KCNH1: variants seen among roughly 807,000 people sequenced by gnomAD.
KCNH1 encodes the protein potassium voltage-gated channel subfamily H member 1.
Under a neutral mutation model 69.2 loss-of-function variants are expected in KCNH1, and 27 were observed. The ratio of observed to expected loss-of-function variants is 0.39; its 90% CI spans 0.29 to 0.54. The LOEUF (loss-of-function observed/expected upper bound fraction) is 0.54. Ranked by LOEUF, KCNH1 falls within the 20% of genes least tolerant of loss-of-function variation. KCNH1 has a pLI of 0.68. For synonymous variants in KCNH1, 456 were observed against 487.7 expected (o/e 0.93, Z 0.86); for missense variants, 798 against 1,261.6 (o/e 0.63, Z 5.57).
intron 6 of KCNH1, among the ~76,000 whole-genome samples, chr1:210,985,249 A>AT (rs772709563): frequency 2.0e-5 from 3 of 152,016 alleles, no homozygotes; most frequent in East Asian, 1.9e-4. Flanking sequence ...GGATTCACTG[A>AT]TTTTTTGAAG....
At chr1:210,779,670 A>C (rs1315396907) in intron 9 of KCNH1, among the ~76,000 whole-genome samples, 4 of 152,250 alleles carry the variant, frequency 2.6e-5, no homozygotes, top group Non-Finnish European at 5.9e-5. Context: ...CAGAATGTTA[A>C]AACTTAATGT....
intron 6 of KCNH1, among the ~76,000 whole-genome samples, chr1:210,992,157 T>C (rs1320801422): frequency 6.6e-6 from 1 of 152,182 alleles, no homozygotes; most frequent in Non-Finnish European, 1.5e-5. Flanking sequence ...TACAACACCT[T>C]GCAAGTAGAC....
chr1:211,134,037 C>T lies in KCNH1; in HGVS notation c.-92G>A. 9.0e-7 allele frequency: 1 copy of T among 1,114,038 alleles called. No homozygotes were observed. Among genetic ancestry groups the T allele is most frequent in the Non-Finnish European group, 1.3e-6 (1 of 754,272 alleles). 69.0% of individuals were successfully genotyped at this position (1,114,038 alleles called of 1,614,324 possible). A position where few individuals can be genotyped will look rare whatever the true frequency, so the allele number is the denominator to read the frequency against. Reference sequence around the variant, plus strand: ...TCGGGGCCCGCACGCAGTCCCGGCTCGAAGCGCCCCATGCGCCCGGCGGGG... The same window carrying T: ...TCGGGGCCCGCACGCAGTCCCGGCTTGAAGCGCCCCATGCGCCCGGCGGGG... On this transcript the variant is annotated 5_prime_UTR_variant, in exon 1 of 11. Transcript: ENST00000271751. The surrounding 1 kb of genome is among the most constrained non-coding windows in gnomAD (Gnocchi z 5.7).
chr1:210,831,103 G>A (rs1159800413), intron 7 of KCNH1, among the ~76,000 whole-genome samples: 1 of 152,178 alleles, frequency 6.6e-6, no homozygotes, highest in East Asian at 1.9e-4. Flanking sequence ...GCGTGATTTT[G>A]TCATAAAGAC....
rs976861712 is a variant in KCNH1 at position 210,851,047 on chromosome 1, G to C, written c.1463-46881C>G. Reference sequence around the variant, plus strand: ...GAGCTGTTCAATATTTGTCTTCATGGCCCACGTATCCTCAGAAGACAAAGC... The same window carrying C: ...GAGCTGTTCAATATTTGTCTTCATGCCCCACGTATCCTCAGAAGACAAAGC... On this transcript the variant is annotated intron_variant, in intron 7 of 10. Coordinates refer to ENST00000271751, the MANE Select transcript of KCNH1 (RefSeq NM_172362.3). Among the ~76,000 whole-genome samples the C allele has an allele frequency of 3.3e-5, 5 of 152,176 alleles. No homozygotes were observed. The South Asian group carries it at 1.0e-3, about 32-fold the overall frequency.
At chr1:210,748,977 C>T (rs1227027086) in intron 10 of KCNH1, among the ~76,000 whole-genome samples, 8 of 152,200 alleles carry the variant, frequency 5.3e-5, no homozygotes, top group African/African-American at 1.4e-4. Flanking sequence ...ACTCTCCTTG[C>T]CCTGTCCACT....
chr1:211,071,744 C>A (rs1426759884), intron 5 of KCNH1, among the ~76,000 whole-genome samples: 1 of 152,240 alleles, frequency 6.6e-6, no homozygotes, highest in Middle Eastern at 3.4e-3. Flanking sequence ...AGTTGGTCTG[C>A]ATGTTTTTCA....
At chr1:211,078,640 G>A (rs1558595353) in intron 5 of KCNH1, among the ~76,000 whole-genome samples, 1 of 152,112 alleles carries the variant, frequency 6.6e-6, no homozygotes, top group Non-Finnish European at 1.5e-5. Context: ...GAAATTTATA[G>A]CACTAAATGC....
At chr1:211,083,184 G>A (rs756085215) in intron 4 of KCNH1, among the ~76,000 whole-genome samples, 1 of 152,256 alleles carries the variant, frequency 6.6e-6, no homozygotes, top group East Asian at 1.9e-4. Flanking sequence ...GACACAGAGT[G>A]CCTGGACAAT....
At chr1:211,006,520 A>G (rs1689288217) in intron 6 of KCNH1, among the ~76,000 whole-genome samples, 1 of 152,238 alleles carries the variant, frequency 6.6e-6, no homozygotes, top group Non-Finnish European at 1.5e-5. Context: ...AGCGTTAGAA[A>G]TCAAGTTGCT....
chr1:210,697,084 A>G (rs1205090644), intron 10 of KCNH1, among the ~76,000 whole-genome samples: 1 of 152,238 alleles, frequency 6.6e-6, no homozygotes, highest in Non-Finnish European at 1.5e-5. Context: ...TGGTTTACTC[A>G]GTCAGTCAGT....
intron 5 of KCNH1, among the ~76,000 whole-genome samples, chr1:211,072,832 G>T (rs1167475456): frequency 4.6e-5 from 7 of 152,092 alleles, no homozygotes. Context: ...AAGAAAAAGG[G>T]CAATGAATAG....
intron 7 of KCNH1, chr1:210,861,860 C>G: frequency 1.3e-6 from 1 of 760,874 alleles, no homozygotes; most frequent in South Asian, 1.4e-5. Flanking sequence ...ATCCAACAAG[C>G]ACTGTTATCA....
intron 10 of KCNH1, among the ~76,000 whole-genome samples, chr1:210,751,646 G>C (rs1683286680): frequency 6.6e-6 from 1 of 152,104 alleles, no homozygotes; most frequent in Admixed American, 6.5e-5. Context: ...GCTGCTGAGA[G>C]GTAGGAGAAG....
chr1:211,042,876 G>A (rs778203549), intron 5 of KCNH1, among the ~76,000 whole-genome samples: 3 of 152,080 alleles, frequency 2.0e-5, no homozygotes, highest in Non-Finnish European at 2.9e-5. Flanking sequence ...TAATCATTGC[G>A]TCAAAAATTA....
At chr1:210,763,712 A>G (rs1683566094) in intron 10 of KCNH1, among the ~76,000 whole-genome samples, 1 of 152,176 alleles carries the variant, frequency 6.6e-6, no homozygotes, top group South Asian at 2.1e-4. Context: ...TAAATAAATC[A>G]TAGACAACAC....
chr1:211,056,950 C>A (rs539532974), intron 5 of KCNH1, among the ~76,000 whole-genome samples: 46 of 152,282 alleles, frequency 3.0e-4, no homozygotes, highest in South Asian at 1.7e-3. Context: ...CAATACCAAA[C>A]TCTTCAATCC....
At position 211,024,277 on chromosome 1, in the gene KCNH1, G is replaced by C. The variant is rs143526255; in HGVS notation, c.559-5021C>G. ...ACTGTGATTTGATAAAATATGACTT[G>C]AGTAAGAGAGGGAAAGTGTTTGAAT... is the stretch of plus-strand genomic sequence containing the variant. On this transcript the variant is annotated intron_variant, in intron 5 of 10. Transcript: ENST00000271751. 1.1e-3 allele frequency among the ~76,000 whole-genome samples: 174 copies of C among 152,264 alleles called. 1 individual carries two copies. The highest frequency in any genetic ancestry group is 4.0e-3 in the African/African-American group (168 of 41,552).
rs1463012719 is a variant in KCNH1, at chr1:210,806,806, CCAAAA to C, written c.1463-2645_1463-2641del. On this transcript the variant is annotated intron_variant, in intron 7 of 10. Coordinates refer to ENST00000271751, the MANE Select transcript of KCNH1 (RefSeq NM_172362.3). ...CCAATATGGTGAAACCCCATCTCTACCAAAAAAAAAAAAAAAAAAAAAAAAAAAAA... is the reference window on the plus strand; with the variant it reads ...CCAATATGGTGAAACCCCATCTCTACAAAAAAAAAAAAAAAAAAAAAAAAA... Among the ~76,000 whole-genome samples the C allele has an allele frequency of 2.8e-3, 238 of 86,212 alleles. 6 individuals are homozygous for C. The highest frequency in any genetic ancestry group is 2.6e-3 in the African/African-American group (51 of 19,744). The allele number at this position is 86,212 out of a possible 152,430, so 56.6% of individuals were successfully genotyped here. A position where few individuals can be genotyped will look rare whatever the true frequency, so the allele number is the denominator to read the frequency against.
Sources: allele counts gnomAD v4.1 joint callset (sites outside exome capture counted in the v4.1 genomes callset), GRCh38; gene constraint gnomAD v4.1.1; non-coding constraint Gnocchi (gnomAD v3.1); transcripts MANE v1.5; gene names NCBI Gene and HGNC (gene_info 2026-07-23, HGNC 2026-07-21).